ADAMTSL3: variants seen among roughly 807,000 people sequenced by gnomAD.
ADAMTSL3 encodes the protein ADAMTS-like protein 3.
Under a neutral mutation model 201.7 loss-of-function variants are expected in ADAMTSL3, and 128 were observed. The ratio of observed to expected loss-of-function variants is 0.63; its 90% CI spans 0.55 to 0.73. ADAMTSL3 has a LOEUF of 0.73. Ranked by LOEUF, ADAMTSL3 falls within the 30% of genes least tolerant of loss-of-function variation. ADAMTSL3 has a pLI of 0.00. For missense variants in ADAMTSL3, 1,990 were observed against 2,119.6 expected (o/e 0.94, Z 1.20); for synonymous variants, 738 against 748.4 (o/e 0.99, Z 0.23).
At chr15:83,974,998 C>CTT (rs35557833) in intron 20 of ADAMTSL3, among the ~76,000 whole-genome samples, 3,050 of 95,954 alleles carry the variant, frequency 0.032, 119 homozygotes, top group African/African-American at 0.087. Context: ...CAGCCTGCGT[C>CTT]TTTTTTTTTT....
intron 5 of ADAMTSL3, among the ~76,000 whole-genome samples, chr15:83,819,164 G>C (rs55825429): frequency 0.18 from 27,276 of 148,958 alleles, 2,822 homozygotes; most frequent in South Asian, 0.3. Context: ...CAGCTACTCA[G>C]GGGGGCTGAA....
chr15:84,022,167 T>A (rs2068216561), intron 26 of ADAMTSL3, among the ~76,000 whole-genome samples: 1 of 152,238 alleles, frequency 6.6e-6, no homozygotes, highest in African/African-American at 2.4e-5. Flanking sequence ...TAGATGCCCC[T>A]CTTTCTCTCA....
At position 83,704,425 on chromosome 15, in the gene ADAMTSL3, C is replaced by G; in HGVS notation, c.106C>G (p.Pro36Ala). ...GAAATCTCCTGGAGCCTATTTCCTT[C>G]CCGAGTTTGCACTTTCTCCTCAGGG... The part of the protein sequence containing the change: ...AEKSPGAYFL[P>A]EFALSPQGSF... The change falls in exon 3 of 30, where the codon CCC (proline) becomes GCC (alanine). Residue 36 changes from proline (P) to alanine (A), a missense_variant. Transcript: ENST00000286744. The G allele has an allele frequency of 6.2e-7, 1 of 1,614,170 alleles. No individual in the cohort carries two copies. Among genetic ancestry groups the G allele is most frequent in the Non-Finnish European group, 8.5e-7 (1 of 1,180,030 alleles).
At chr15:83,995,595 A>G (rs1387321155) in intron 23 of ADAMTSL3, among the ~76,000 whole-genome samples, 1 of 152,202 alleles carries the variant, frequency 6.6e-6, no homozygotes, top group Non-Finnish European at 1.5e-5. Flanking sequence ...CTAGATAACT[A>G]GAAAAATTAT....
rs1475545611 is a variant in ADAMTSL3 at position 84,039,554 on chromosome 15, T to G, written c.*1748T>G. ...GTAACATACTCTTTGTATATATTTA[T>G]TATATGAAAGGTGCAATATTTTATT... On this transcript the variant is annotated 3_prime_UTR_variant, in exon 30 of 30. Transcript: ENST00000286744. 6.6e-6 allele frequency: 1 copy of G among 152,660 alleles called. No individual in the cohort carries two copies. The highest frequency in any genetic ancestry group is 1.5e-5 in the Non-Finnish European group (1 of 68,036). 9.5% of individuals were successfully genotyped at this position (152,660 alleles called of 1,614,324 possible). A position where few individuals can be genotyped will look rare whatever the true frequency, so the allele number is the denominator to read the frequency against.
At chr15:83,952,386 T>C (rs1015687708) in intron 19 of ADAMTSL3, among the ~76,000 whole-genome samples, 8 of 152,178 alleles carry the variant, frequency 5.3e-5, no homozygotes, top group Non-Finnish European at 1.0e-4. Flanking sequence ...TGGTCTGTTT[T>C]TGAGAATAAT....
rs150091258 is a variant in ADAMTSL3 at position 83,709,160 on chromosome 15, T to G, written c.189+4652T>G. 2.5e-3 allele frequency among the ~76,000 whole-genome samples: 382 copies of G among 152,358 alleles called. 3 individuals carry two copies. Among genetic ancestry groups the G allele is most frequent in the African/African-American group, 8.8e-3 (367 of 41,588 alleles). On this transcript the variant is annotated intron_variant, in intron 3 of 29. Coordinates refer to ENST00000286744, the MANE Select transcript of ADAMTSL3 (RefSeq NM_207517.3). ...CTCATTCTCATCTCCTTCAGGAATT[T>G]GGAATTAGCTATGTGGAGAACATTC...
chr15:83,795,682 T>A (rs1187947281), intron 4 of ADAMTSL3, among the ~76,000 whole-genome samples: 1 of 152,202 alleles, frequency 6.6e-6, no homozygotes, highest in Non-Finnish European at 1.5e-5. Flanking sequence ...TGGAAGTGCA[T>A]GTATATTGGC....
chr15:83,985,411 C>T (rs1479890742), intron 21 of ADAMTSL3, among the ~76,000 whole-genome samples: 1 of 151,856 alleles, frequency 6.6e-6, no homozygotes, highest in African/African-American at 2.4e-5. Context: ...TACCAAATAC[C>T]CAACTTTAAA....
intron 26 of ADAMTSL3, among the ~76,000 whole-genome samples, chr15:84,023,265 A>G (rs1157450843): frequency 6.6e-6 from 1 of 152,394 alleles, no homozygotes; most frequent in East Asian, 1.9e-4. Context: ...AGTAAAAACA[A>G]TTAACAAATA....
Position 84,021,411 on chromosome 15 carries a change from G to A in ADAMTSL3, c.4275G>A (p.Glu1425=). 1 of 1,614,066 alleles carries A rather than the reference G, an allele frequency of 6.2e-7. No individual in the cohort carries two copies. Among genetic ancestry groups the A allele is most frequent in the East Asian group, 2.2e-5 (1 of 44,874 alleles). ...NDPTGEPPPQ[E]PFWEPGNWSH... ...TGATATTTTGTTTTCTTTCTGCAGA[G>A]CCTTTTTGGGAGCCTGGTAACTGGT... Residue 1425 remains glutamate, a splice_region_variant and synonymous_variant, in exon 26 of 30, where the codon GAG becomes GAA. Transcript: ENST00000286744.
At chr15:83,848,988 A>G (rs2064555856) in intron 7 of ADAMTSL3, among the ~76,000 whole-genome samples, 1 of 152,190 alleles carries the variant, frequency 6.6e-6, no homozygotes, top group African/African-American at 2.4e-5. Context: ...AATTTCAATA[A>G]GACAGTTTTG....
intron 23 of ADAMTSL3, among the ~76,000 whole-genome samples, chr15:84,006,555 C>T (rs564883361): frequency 1.3e-5 from 2 of 152,010 alleles, no homozygotes; most frequent in Non-Finnish European, 2.9e-5. Flanking sequence ...TTTCACAGCC[C>T]CTCCGGCTCT....
At chr15:83,806,650 T>G (rs781039152) in intron 5 of ADAMTSL3, among the ~76,000 whole-genome samples, 33 of 151,906 alleles carry the variant, frequency 2.2e-4, no homozygotes, top group Non-Finnish European at 4.7e-4. Context: ...AGTCAGGAGT[T>G]TAAGACAAGC....
chr15:83,919,169 G>A (rs2066091419), intron 16 of ADAMTSL3, among the ~76,000 whole-genome samples: 2 of 152,160 alleles, frequency 1.3e-5, no homozygotes, highest in Admixed American at 1.3e-4. Context: ...AAGAGGAGCG[G>A]TCTGAACTGG....
chr15:83,821,249 C>CT (rs911465910), intron 6 of ADAMTSL3, among the ~76,000 whole-genome samples: 24 of 144,252 alleles, frequency 1.7e-4, no homozygotes, highest in Admixed American at 2.8e-4. Context: ...CCCTGAGTTT[C>CT]TTTTTTTTTT....
intron 16 of ADAMTSL3, among the ~76,000 whole-genome samples, chr15:83,918,470 T>C (rs1333510776): frequency 1.3e-5 from 2 of 152,200 alleles, no homozygotes; most frequent in Non-Finnish European, 2.9e-5. Flanking sequence ...CTAATTACAC[T>C]TGAATTTAAA....
chr15:84,016,395 C>G lies in ADAMTSL3; in HGVS notation c.4169C>G (p.Pro1390Arg). 6.2e-7 allele frequency: 1 copy of G among 1,613,626 alleles called. No individual in the cohort carries two copies. The highest frequency in any genetic ancestry group is 8.5e-7 in the Non-Finnish European group (1 of 1,179,784). The change falls in exon 25 of 30, where the codon CCA becomes CGA. Residue 1390 changes from proline (P) to arginine (R), a missense_variant. Physicochemically the swap from Pro to Arg is moderately radical, Grantham distance 103 (BLOSUM62 -2). Coordinates refer to ENST00000286744, the MANE Select transcript of ADAMTSL3 (RefSeq NM_207517.3). Reference protein sequence around the residue: ...SVLHLLERRWPESRIVFLQGH... With the variant: ...SVLHLLERRWRESRIVFLQGH... ...TTTTTTTCCTCAGAACGAAGATGGCCAGAGAGTAGAATCGTATTTCTGCAA... is the reference window on the plus strand; with the variant it reads ...TTTTTTTCCTCAGAACGAAGATGGCGAGAGAGTAGAATCGTATTTCTGCAA...
chr15:83,819,263 C>CAAA (rs397932701), intron 5 of ADAMTSL3, among the ~76,000 whole-genome samples: 4 of 76,456 alleles, frequency 5.2e-5, no homozygotes, highest in Admixed American at 1.4e-4. Context: ...CACTCCGTCT[C>CAAA]AAAAAAAAAA....
Sources: allele counts gnomAD v4.1 joint callset (sites outside exome capture counted in the v4.1 genomes callset), GRCh38; gene constraint gnomAD v4.1.1; transcripts MANE v1.5; gene names NCBI Gene and HGNC (gene_info 2026-07-23, HGNC 2026-07-21).